PHLDB3: variants seen among roughly 807,000 people sequenced by gnomAD.
The protein encoded by PHLDB3 is pleckstrin homology like domain family B member 3, also known as pleckstrin homology-like domain family B member 3.
PHLDB3 carries 86 observed loss-of-function variants against 85.7 expected under a neutral mutation model. That is an observed-to-expected ratio of 1.00 (90% CI 0.84 to 1.20). PHLDB3 has a LOEUF of 1.20. Ranked by LOEUF, PHLDB3 falls within the 50% of genes most tolerant of loss-of-function variation. The probability of loss-of-function intolerance (pLI) is 0.00; values close to 1 mark genes in which losing one functional copy is unlikely to be tolerated. For synonymous variants in PHLDB3, 376 were observed against 349.8 expected (o/e 1.07, Z -0.83); for missense variants, 995 against 873.0 (o/e 1.14, Z -1.76).
intron 2 of PHLDB3, 144 bp from the exon 3 acceptor site, chr19:43,502,427 G>T: frequency 1.5e-6 from 1 of 684,276 alleles, no homozygotes; most frequent in Non-Finnish European, 2.3e-6. Context: ...CCCATAATCT[G>T]TCGCAGGCTC....
chr19:43,476,224 G>T (rs1284042300), intron 15 of PHLDB3, among the ~76,000 whole-genome samples: 1 of 152,188 alleles, frequency 6.6e-6, no homozygotes, highest in African/African-American at 2.4e-5. Context: ...TTAGTGTCTA[G>T]AATCCGTTAT....
At chr19:43,500,911 C>G in intron 4 of PHLDB3, among the ~76,000 whole-genome samples, 1 of 86,598 alleles carries the variant, frequency 1.2e-5, no homozygotes, top group Non-Finnish European at 2.2e-5. Context: ...CCCCCCGTAC[C>G]CCCCCCCCAC....
intron 4 of PHLDB3, among the ~76,000 whole-genome samples, chr19:43,498,395 C>T (rs762848146): frequency 6.5e-5 from 8 of 122,292 alleles, no homozygotes; most frequent in Middle Eastern, 6.0e-3. Flanking sequence ...AGGGAAGGAA[C>T]GAAGGAAGGA....
intron 9 of PHLDB3, among the ~76,000 whole-genome samples, chr19:43,489,537 G>A (rs1290972900): frequency 6.6e-6 from 1 of 152,118 alleles, no homozygotes; most frequent in Non-Finnish European, 1.5e-5. Flanking sequence ...GAACAGCGTA[G>A]GAGGGGGAAC....
At position 43,486,811 on chromosome 19, in the gene PHLDB3, A is replaced by G; in HGVS notation, c.1309T>C (p.Tyr437His). 1 of 1,594,106 alleles carries G rather than the reference A, an allele frequency of 6.3e-7. No homozygotes were observed. Among genetic ancestry groups the G allele is most frequent in the Non-Finnish European group, 8.6e-7 (1 of 1,168,526 alleles). Residue 437 changes from tyrosine to histidine, a missense_variant, in exon 11 of 16, where the codon TAC (tyrosine) becomes CAC (histidine). Physicochemically the swap from Tyr to His is moderately conservative, Grantham distance 83. Transcript: ENST00000292140. Reference protein sequence around the residue: ...AVGDSGRYPLYQLLNCGRGNS... With the variant: ...AVGDSGRYPLHQLLNCGRGNS... ...CCACGGCCACAGTTCAGCAGCTGGT[A>G]GAGGGGGTATCTGCCGGAGTCCCCC... is the stretch of plus-strand genomic sequence containing the variant.
chr19:43,475,555 C>G lies in PHLDB3; in HGVS notation c.1789-11G>C. On this transcript the variant is annotated splice_polypyrimidine_tract_variant and intron_variant, in intron 15 of 15. Transcript: ENST00000292140. ...GCGGGGGTTGGGGCTCTGGAATAAG[C>G]AGAAAGTGAGGGTAATTCAGACAAA... 1 of 1,613,702 alleles carries G rather than the reference C, an allele frequency of 6.2e-7. No individual in the cohort carries two copies. Among genetic ancestry groups the G allele is most frequent in the South Asian group, 1.1e-5 (1 of 91,056 alleles).
intron 1 of PHLDB3, 80 bp from the exon 2 acceptor site, chr19:43,504,212 G>T (rs1158090956): frequency 3.1e-6 from 4 of 1,284,440 alleles, no homozygotes; most frequent in Non-Finnish European, 4.1e-6. Context: ...TCCGGGGCGC[G>T]GAGACCCCCC....
intron 2 of PHLDB3, among the ~76,000 whole-genome samples, chr19:43,502,899 T>C (rs113179072): frequency 0.018 from 2,761 of 152,250 alleles, 35 homozygotes; most frequent in Non-Finnish European, 0.026. Flanking sequence ...TTTTTCTCTA[T>C]CAGGTCCTAT....
chr19:43,502,231 G>A lies in PHLDB3; in HGVS notation c.266C>T (p.Ser89Phe). The A allele has an allele frequency of 1.9e-6, 3 of 1,564,510 alleles. No homozygotes were observed. The highest frequency in any genetic ancestry group is 2.6e-6 in the Non-Finnish European group (3 of 1,156,090). Residue 89 changes from serine (S) to phenylalanine (F), a missense_variant, in exon 3 of 16, where the codon TCT becomes TTT. Transcript: ENST00000292140. ...AMAATPPAST[S>F]SREGVRGAAR... ...CGCCCCTCGCACCCCTTCCCGCGAA[G>A]AGGTGGATGCGGGAGGTGTGGCCGC...
intron 2 of PHLDB3, among the ~76,000 whole-genome samples, chr19:43,502,822 A>T (rs1481968114): frequency 1.3e-5 from 2 of 152,112 alleles, no homozygotes; most frequent in African/African-American, 4.8e-5. Context: ...AACCACACGG[A>T]CCACAGAGGC....
intron 4 of PHLDB3, 25 bp from the exon 5 acceptor site, chr19:43,497,901 C>G: frequency 6.3e-7 from 1 of 1,584,572 alleles, no homozygotes; most frequent in Non-Finnish European, 8.6e-7. Flanking sequence ...AGGTTCTCAC[C>G]CTCAGCTTAA....
intron 1 of PHLDB3, 71 bp from the exon 2 acceptor site, chr19:43,504,203 C>A (rs2599448): frequency 0.48 from 661,036 of 1,379,880 alleles, 161,096 homozygotes; most frequent in Admixed American, 0.59. Context: ...CGCGTCTGCT[C>A]CGGGGCGCGG....
At chr19:43,475,573 C>T in intron 15 of PHLDB3, 29 bp from the exon 16 acceptor site, 4 of 1,613,126 alleles carry the variant, frequency 2.5e-6, no homozygotes, top group Non-Finnish European at 3.4e-6. Context: ...GAGGGTAATT[C>T]AGACAAAAGA....
At chr19:43,487,178 G>C in intron 9 of PHLDB3, 55 bp from the exon 10 acceptor site, 1 of 1,445,618 alleles carries the variant, frequency 6.9e-7, no homozygotes, top group East Asian at 2.5e-5. Flanking sequence ...TCCAACCTAA[G>C]TCAGAGCACT....
In PHLDB3 at chr19:43,502,705, C is replaced by G. The variant is rs530750397; in HGVS notation, c.214-422G>C. Among the ~76,000 whole-genome samples, 6 of 150,878 alleles carry G rather than the reference C, an allele frequency of 4.0e-5. No individual in the cohort carries two copies. In the Admixed American group the frequency reaches 4.0e-4, roughly 10 times the overall value. Reference sequence around the variant, plus strand: ...TCCTAGGCTCAAGGGATTCTCCCACCTCGGCCTCCCAAAGTGCTACGATTA... The same window carrying G: ...TCCTAGGCTCAAGGGATTCTCCCACGTCGGCCTCCCAAAGTGCTACGATTA... On this transcript the variant is annotated intron_variant, in intron 2 of 15. Transcript: ENST00000292140.
In PHLDB3 at chr19:43,486,611, G is replaced by C; in HGVS notation, c.1426C>G (p.Arg476Gly). 6.2e-7 allele frequency: 1 copy of C among 1,612,572 alleles called. No homozygotes were observed. Among genetic ancestry groups the C allele is most frequent in the Non-Finnish European group, 8.5e-7 (1 of 1,179,482 alleles). ...AAGAGGATGGCCTGGGCTCTCACCC[G>C]GGCCTTGAGCAGCCGCTCCCTCTCC... ...MAERERLLKAREGTRRGTEGS... is the reference protein window; with the variant it reads ...MAERERLLKAGEGTRRGTEGS... The change falls in exon 12 of 16, where the codon CGG becomes GGG. Residue 476 changes from arginine (R) to glycine (G), a missense_variant and splice_region_variant. Transcript: ENST00000292140.
chr19:43,501,962 G>A (rs994216695), intron 3 of PHLDB3, 91 bp from the exon 4 acceptor site: 1 of 1,483,068 alleles, frequency 6.7e-7, no homozygotes, highest in African/African-American at 1.4e-5. Context: ...AGGGAGGATG[G>A]ACTCCAGGGA....
At chr19:43,503,065 A>AT (rs1971655835) in intron 2 of PHLDB3, among the ~76,000 whole-genome samples, 1 of 151,260 alleles carries the variant, frequency 6.6e-6, no homozygotes, top group African/African-American at 2.4e-5. Context: ...GTTTTTGTCT[A>AT]TTTGTTTCTC....
chr19:43,498,231 C>T (rs776341220), intron 4 of PHLDB3, among the ~76,000 whole-genome samples: 1 of 151,844 alleles, frequency 6.6e-6, no homozygotes, highest in African/African-American at 2.4e-5. Flanking sequence ...TCCAGCTACT[C>T]GGGAGGCTGA....
Sources: gnomAD v4.1 joint callset for allele counts (sites outside exome capture counted in the v4.1 genomes callset) on GRCh38, gnomAD v4.1.1 for gene constraint, MANE v1.5 for transcripts, NCBI Gene and HGNC (gene_info 2026-07-23, HGNC 2026-07-21) for gene names.